The following PTPRQ variants were observed in gnomAD, a reference collection of about 807,000 sequenced individuals.
The protein encoded by PTPRQ is protein tyrosine phosphatase receptor type Q.
In PTPRQ, 199 loss-of-function variants were observed where a neutral mutation model predicts 246.0. That is an observed-to-expected ratio of 0.81 (90% CI 0.72 to 0.91). The LOEUF (loss-of-function observed/expected upper bound fraction) is 0.91. Among genes scored for constraint, PTPRQ ranks in the 40% least tolerant of loss-of-function variants. PTPRQ has a pLI of 0.00. For missense variants in PTPRQ, 2,624 were observed against 2,528.4 expected (o/e 1.04, Z -0.81); for synonymous variants, 869 against 853.2 (o/e 1.02, Z -0.32).
At chr12:80,534,220 T>TAA in intron 18 of PTPRQ, 45 bp downstream of exon 18, 4 of 1,295,638 alleles carry the variant, frequency 3.1e-6, no homozygotes, top group South Asian at 1.8e-5. Context: ...TCTTTTTCTT[T>TAA]AAAAAAAAAA....
chr12:80,466,337 G>T (rs199517272), intron 6 of PTPRQ, among the ~76,000 whole-genome samples: 1 of 152,000 alleles, frequency 6.6e-6, no homozygotes, highest in Non-Finnish European at 1.5e-5. Flanking sequence ...GTACAAACCA[G>T]TGCTCAATGA....
At chr12:80,477,998 C>A (rs1308211298) in intron 8 of PTPRQ, among the ~76,000 whole-genome samples, 1 of 152,218 alleles carries the variant, frequency 6.6e-6, no homozygotes, top group Non-Finnish European at 1.5e-5. Context: ...AACAAAGCAG[C>A]CTGGAAGCTC....
intron 23 of PTPRQ, among the ~76,000 whole-genome samples, chr12:80,546,154 C>T (rs1372724254): frequency 1.3e-5 from 2 of 151,990 alleles, no homozygotes; most frequent in Non-Finnish European, 2.9e-5. Flanking sequence ...TCTGTCTCTA[C>T]TAAAAACTAC....
intron 39 of PTPRQ, among the ~76,000 whole-genome samples, chr12:80,660,197 G>T (rs138934822): frequency 1.3e-5 from 2 of 151,996 alleles, no homozygotes; most frequent in African/African-American, 4.8e-5. Flanking sequence ...ACTATAGAGG[G>T]AGGTAGGAAA....
chr12:80,489,327 T>C (rs1028005530), intron 9 of PTPRQ, among the ~76,000 whole-genome samples: 4 of 151,574 alleles, frequency 2.6e-5, no homozygotes, highest in Non-Finnish European at 5.9e-5. Context: ...TTTTGTGAAC[T>C]TGAACAGATG....
intron 8 of PTPRQ, among the ~76,000 whole-genome samples, chr12:80,482,370 T>C (rs1370917131): frequency 2.6e-5 from 4 of 151,978 alleles, no homozygotes; most frequent in African/African-American, 4.8e-5. Flanking sequence ...ATACAAAAAT[T>C]AATTCAAGAT....
chr12:80,603,669 G>A (rs921593552), intron 26 of PTPRQ, among the ~76,000 whole-genome samples: 16 of 151,396 alleles, frequency 1.1e-4, no homozygotes, highest in Admixed American at 4.6e-4. Context: ...AACTCTATCT[G>A]TCTGTGGGTC....
intron 25 of PTPRQ, among the ~76,000 whole-genome samples, chr12:80,568,338 T>G (rs1897039856): frequency 6.6e-6 from 1 of 152,204 alleles, no homozygotes; most frequent in Admixed American, 6.5e-5. Context: ...TATGTTTCAG[T>G]TAATTGTTAT....
intron 17 of PTPRQ, among the ~76,000 whole-genome samples, chr12:80,523,268 G>A (rs1436413045): frequency 6.6e-6 from 1 of 151,886 alleles, no homozygotes; most frequent in African/African-American, 2.4e-5. Context: ...TTCTTTATTA[G>A]TCTTGCTAGT....
chr12:80,450,156 A>G (rs1207090472), intron 3 of PTPRQ, among the ~76,000 whole-genome samples: 3 of 151,994 alleles, frequency 2.0e-5, no homozygotes, highest in African/African-American at 4.8e-5. Flanking sequence ...ATGGGAGTTC[A>G]CTCATGATTT....
chr12:80,495,369 C>A lies in PTPRQ; in HGVS notation c.1880C>A (p.Thr627Lys). The change falls in exon 12 of 45, where the codon ACA (threonine) becomes AAA (lysine). Residue 627 changes from threonine to lysine, a missense_variant and splice_region_variant. Coordinates refer to ENST00000644991, the MANE Select transcript of PTPRQ (RefSeq NM_001145026.2). ...ACCATAGATAACAGCTTTCTCATAA[C>A]AGGTAGAAAACAATGTTTTGTTGTT... ...ITTIDNSFLI[T>K]GLKKYTKYKM... 1 of 1,488,984 alleles carries A rather than the reference C, an allele frequency of 6.7e-7. No homozygotes were observed. Among genetic ancestry groups the A allele is most frequent in the Non-Finnish European group, 8.9e-7 (1 of 1,126,376 alleles). 92.2% of individuals were successfully genotyped at this position (1,488,984 alleles called of 1,614,324 possible).
At chr12:80,466,513 G>C (rs1308444535) in intron 6 of PTPRQ, among the ~76,000 whole-genome samples, 1 of 152,076 alleles carries the variant, frequency 6.6e-6, no homozygotes, top group African/African-American at 2.4e-5. Flanking sequence ...CTACTTTAAA[G>C]TTCATATGGA....
chr12:80,527,347 T>A (rs1303847322), intron 17 of PTPRQ, among the ~76,000 whole-genome samples: 1 of 152,096 alleles, frequency 6.6e-6, no homozygotes, highest in African/African-American at 2.4e-5. Context: ...ACTATACTAT[T>A]ATTGTTCACA....
At chr12:80,641,508 T>A (rs767125453) in intron 35 of PTPRQ, among the ~76,000 whole-genome samples, 1 of 152,232 alleles carries the variant, frequency 6.6e-6, no homozygotes, top group Non-Finnish European at 1.5e-5. Flanking sequence ...CTATTTCTAA[T>A]CTAATCACAT....
At chr12:80,608,147 GA>G (rs1049080904) in intron 27 of PTPRQ, among the ~76,000 whole-genome samples, 3 of 149,966 alleles carry the variant, frequency 2.0e-5, no homozygotes, top group East Asian at 3.9e-4. Flanking sequence ...GGTAGGAAGA[GA>G]AAAAAAATAG....
chr12:80,647,856 A>G (rs1592756181), intron 35 of PTPRQ, among the ~76,000 whole-genome samples: 1 of 152,048 alleles, frequency 6.6e-6, no homozygotes, highest in East Asian at 1.9e-4. Context: ...GTTTACCCTG[A>G]GAAGCTGGAA....
intron 2 of PTPRQ, among the ~76,000 whole-genome samples, chr12:80,445,231 T>C (rs1239601352): frequency 3.3e-5 from 5 of 151,942 alleles, no homozygotes; most frequent in African/African-American, 9.7e-5. Flanking sequence ...GTGAATTTCT[T>C]TTAAAAATGA....
chr12:80,488,335 C>G (rs1489581405), intron 9 of PTPRQ, among the ~76,000 whole-genome samples: 2 of 151,906 alleles, frequency 1.3e-5, no homozygotes, highest in East Asian at 1.9e-4. Context: ...CTACACTCCC[C>G]CAGCCTACTA....
intron 25 of PTPRQ, among the ~76,000 whole-genome samples, chr12:80,552,896 T>C (rs1006136307): frequency 1.3e-5 from 2 of 151,944 alleles, no homozygotes; most frequent in South Asian, 2.1e-4. Flanking sequence ...TCTAGACTTA[T>C]GGAGTCAGAA....
Sources: allele counts gnomAD v4.1 joint callset (sites outside exome capture counted in the v4.1 genomes callset), GRCh38; gene constraint gnomAD v4.1.1; transcripts MANE v1.5; gene names NCBI Gene and HGNC (gene_info 2026-07-23, HGNC 2026-07-21).